Variants in AMOTL2 observed in about 807,000 individuals in gnomAD.
AMOTL2 encodes the protein angiomotin like 2, also known as angiomotin-like protein 2.
In AMOTL2, 33 loss-of-function variants were observed where a neutral mutation model predicts 78.4. The observed-to-expected ratio is 0.42, with a 90% CI of 0.32 to 0.56. The LOEUF (loss-of-function observed/expected upper bound fraction) is 0.56, where lower values mean the gene tolerates loss of function less well. Among genes scored for constraint, AMOTL2 ranks in the 20% least tolerant of loss-of-function variants. The pLI, the probability that AMOTL2 is intolerant of heterozygous loss-of-function variation, is 0.12. For missense variants in AMOTL2, 983 were observed against 1,030.1 expected, an observed-to-expected ratio of 0.95 and a Z score of 0.63; for synonymous variants, 422 against 428.8, an observed-to-expected ratio of 0.98 and a Z score of 0.20.
At chr3:134,370,172 GGA>G (rs370509473) in intron 2 of AMOTL2, among the ~76,000 whole-genome samples, 17 of 152,314 alleles carry the variant, frequency 1.1e-4, no homozygotes, top group African/African-American at 4.1e-4. Context: ...GAAATGAAGA[GGA>G]GAGACAAGTA....
Position 134,371,078 on chromosome 3 carries a change from G to A in AMOTL2, c.356C>T (p.Ala119Val). ...EAKAHSQYYA[A>V]QQAGTRPHAG... ...ATGTGGCCGGGTCCCTGCCTGCTGG[G>A]CCGCATAGTACTGCGAGTGGGCTTT... Residue 119 changes from alanine (A) to valine (V), a missense_variant, in exon 2 of 10, where the codon GCC becomes GTC. Ala to Val is a moderately conservative substitution (Grantham distance 64, BLOSUM62 0). Transcript: ENST00000249883. The A allele has an allele frequency of 1.2e-6, 2 of 1,611,542 alleles. No individual in the cohort carries two copies. The highest frequency in any genetic ancestry group is 1.7e-6 in the Non-Finnish European group (2 of 1,179,022).
chr3:134,358,391 C>T lies in AMOTL2; in HGVS notation c.2284+149G>A, dbSNP rs1185658631. 4 of 969,438 alleles carry T rather than the reference C, an allele frequency of 4.1e-6. No individual in the cohort carries two copies. The African/African-American group carries it at 5.0e-5, about 12-fold the overall frequency. The allele number at this position is 969,438 out of a possible 1,614,324, so 60.1% of individuals were successfully genotyped here. On this transcript the variant is annotated intron_variant, in intron 9 of 9. Coordinates refer to ENST00000249883, the MANE Select transcript of AMOTL2 (RefSeq NM_016201.4). ...TGTTCACATTGAGGTGGGCCAGGCACCCTGCTCACCTCTGGCTATGCACGG... is the reference window on the plus strand; with the variant it reads ...TGTTCACATTGAGGTGGGCCAGGCATCCTGCTCACCTCTGGCTATGCACGG...
rs750799625 is a variant in AMOTL2 at position 134,367,736 on chromosome 3, A to G, written c.802T>C (p.Ser268Pro). ...QQQQYQYLQQ[S>P]QEHPPPPHPA... ...TGTGGGGGAGGGGGGTGCTCCTGAG[A>G]TTGCTGCAGGTACTGGTACTGCTGC... The change falls in exon 3 of 10, where the codon TCT becomes CCT. Residue 268 changes from serine to proline, a missense_variant. Ser to Pro is a moderately conservative substitution (Grantham distance 74). Transcript: ENST00000249883. 6 of 1,613,678 alleles carry G rather than the reference A, an allele frequency of 3.7e-6. No individual in the cohort carries two copies. In the Admixed American group the frequency reaches 8.3e-5, roughly 22 times the overall value.
Position 134,361,726 on chromosome 3 carries a change from C to A in AMOTL2, c.1361G>T (p.Arg454Leu). ...LRGAIEDQRRRAELLEQALGN... is the reference protein window; with the variant it reads ...LRGAIEDQRRLAELLEQALGN... ...CAGAGCCTGCTCCAGCAGCTCGGCA[C>A]GCCGCCGCTGGTCCTCGATGGCGCC... Residue 454 changes from arginine (R) to leucine (L), a missense_variant, in exon 6 of 10, where the codon CGT becomes CTT. Arg to Leu is a moderately radical substitution (Grantham distance 102). Transcript: ENST00000249883. 2 of 1,607,892 alleles carry A rather than the reference C, an allele frequency of 1.2e-6. No homozygotes were observed. Among genetic ancestry groups the A allele is most frequent in the South Asian group, 1.1e-5 (1 of 90,774 alleles).
At chr3:134,365,932 G>A in intron 4 of AMOTL2, 23 bp from the exon 5 acceptor site, 1 of 1,610,706 alleles carries the variant, frequency 6.2e-7, no homozygotes, top group Non-Finnish European at 8.5e-7. Flanking sequence ...AAGGAAAGAT[G>A]TTTTAGTGTC....
At chr3:134,368,023 C>G (rs1310664592) in intron 2 of AMOTL2, among the ~76,000 whole-genome samples, 2 of 152,156 alleles carry the variant, frequency 1.3e-5, no homozygotes, top group East Asian at 3.8e-4. Context: ...GCCTGAGGCT[C>G]TCAAGAGTCA....
At chr3:134,358,256 A>G in intron 9 of AMOTL2, among the ~76,000 whole-genome samples, 1 of 152,226 alleles carries the variant, frequency 6.6e-6, no homozygotes, top group East Asian at 1.9e-4. Flanking sequence ...AGGGAAGACC[A>G]TGAAAGAGGA....
In AMOTL2 at chr3:134,357,440, A is replaced by G. The variant is rs1489218542; in HGVS notation, c.*265T>C. 4 of 472,810 alleles carry G rather than the reference A, an allele frequency of 8.5e-6. No homozygotes were observed. The highest frequency in any genetic ancestry group is 1.5e-5 in the Non-Finnish European group (4 of 259,366). 29.3% of individuals were successfully genotyped at this position (472,810 alleles called of 1,614,324 possible). On this transcript the variant is annotated 3_prime_UTR_variant, in exon 10 of 10. Coordinates refer to ENST00000249883, the MANE Select transcript of AMOTL2 (RefSeq NM_016201.4). ...CCCCAGTAGCAGGCCTTGGGCAAGA[A>G]GTCAAGGCTGAATCCTCATTCTCCA... is the stretch of plus-strand genomic sequence containing the variant.
At chr3:134,374,655 G>A, upstream of AMOTL2, 5 of 982,822 alleles carry the variant, frequency 5.1e-6, no homozygotes, top group Non-Finnish European at 6.0e-6. Flanking sequence ...GCTGCTGGCC[G>A]AGCGCCGGCC....
rs2018006371 is a variant in AMOTL2, at chr3:134,374,356, G to A, written c.-76C>T. On this transcript the variant is annotated 5_prime_UTR_variant, in exon 1 of 10. Coordinates refer to ENST00000249883, the MANE Select transcript of AMOTL2 (RefSeq NM_016201.4). ...GCCTTCCTTACCGCTGCGGCCCGAG[G>A]GTGCCCAGCGCAGTCAGACACCACA... The A allele has an allele frequency of 1.0e-6, 1 of 977,012 alleles. No homozygotes were observed. The highest frequency in any genetic ancestry group is 1.2e-6 in the Non-Finnish European group (1 of 828,076). 60.5% of individuals were successfully genotyped at this position (977,012 alleles called of 1,614,324 possible). A position where few individuals can be genotyped will look rare whatever the true frequency, so the allele number is the denominator to read the frequency against.
At chr3:134,359,594 C>G in intron 7 of AMOTL2, 91 bp from the exon 8 acceptor site, 7 of 1,021,710 alleles carry the variant, frequency 6.9e-6, no homozygotes, top group Non-Finnish European at 1.0e-5. Context: ...AGGAAAAGCC[C>G]CCCCCAACTC....
intron 2 of AMOTL2, among the ~76,000 whole-genome samples, chr3:134,369,290 C>G (rs1284487174): frequency 6.6e-6 from 1 of 152,190 alleles, no homozygotes; most frequent in Non-Finnish European, 1.5e-5. Flanking sequence ...TTGCTCCCCC[C>G]TGCACTGGGC....
intron 9 of AMOTL2, 32 bp downstream of exon 9, chr3:134,358,508 C>A: frequency 6.2e-7 from 1 of 1,601,446 alleles, no homozygotes; most frequent in Non-Finnish European, 8.5e-7. Context: ...CTCGGCCCTA[C>A]CTAGCACAGA....
chr3:134,367,507 C>T lies in AMOTL2; in HGVS notation c.1031G>A (p.Arg344His), dbSNP rs369381825. 50 of 1,611,554 alleles carry T rather than the reference C, an allele frequency of 3.1e-5. No individual in the cohort carries two copies. The highest frequency in any genetic ancestry group is 1.1e-4 in the South Asian group (10 of 90,866). Residue 344 changes from arginine (R) to histidine (H), a missense_variant, in exon 3 of 10, where the codon CGC (arginine) becomes CAC (histidine). Coordinates refer to ENST00000249883, the MANE Select transcript of AMOTL2 (RefSeq NM_016201.4). ...ELESSAEKAG[R>H]IEKLESEIQR... Reference sequence around the variant, plus strand: ...CCCAGCAGGGCCTACCTTCTCAATGCGGCCAGCCTTCTCCGCAGAGCTCTC... The same window carrying T: ...CCCAGCAGGGCCTACCTTCTCAATGTGGCCAGCCTTCTCCGCAGAGCTCTC...
rs1322820361 is a variant in AMOTL2, at chr3:134,361,635, C to T, written c.1452G>A (p.Glu484=). The part of the protein sequence containing the change: ...EELRKKQAYV[E]KVERLQQALG... ...GCGCCTGCTGCAGCCGCTCCACTTT[C>T]TCCACATAGGCCTGCTTCTTGCGCA... is the stretch of plus-strand genomic sequence containing the variant. Residue 484 remains glutamate, a synonymous_variant, in exon 6 of 10, where the codon GAG becomes GAA. Coordinates refer to ENST00000249883, the MANE Select transcript of AMOTL2 (RefSeq NM_016201.4). 1.9e-6 allele frequency: 3 copies of T among 1,613,078 alleles called. No homozygotes were observed. Among genetic ancestry groups the T allele is most frequent in the Non-Finnish European group, 2.5e-6 (3 of 1,179,986 alleles).
At chr3:134,374,482 G>A, upstream of AMOTL2, 2 of 985,594 alleles carry the variant, frequency 2.0e-6, no homozygotes, top group Non-Finnish European at 2.4e-6. Flanking sequence ...CCCCAGGGTC[G>A]GCCCGCGCCG....
At chr3:134,362,501 T>C (rs940164646) in intron 5 of AMOTL2, among the ~76,000 whole-genome samples, 5 of 152,182 alleles carry the variant, frequency 3.3e-5, no homozygotes, top group African/African-American at 1.2e-4. Context: ...GGGCTCCTTC[T>C]GCAGACCCAG....
At chr3:134,374,955 A>C, upstream of AMOTL2, 18 of 1,324,784 alleles carry the variant, frequency 1.4e-5, no homozygotes, top group East Asian at 6.7e-5. Context: ...GGAGGTGGGA[A>C]AGGGAGGAGG....
chr3:134,360,382 C>A lies in AMOTL2; in HGVS notation c.1607G>T (p.Gly536Val), dbSNP rs142861055. 3.1e-4 allele frequency: 498 copies of A among 1,612,856 alleles called. No individual in the cohort carries two copies. In the African/African-American group the frequency reaches 6.0e-3, roughly 19 times the overall value. Reference protein sequence around the residue: ...RQAGAPGGSSGSGGSPELSAL... With the variant: ...RQAGAPGGSSVSGGSPELSAL... ...GCTGAGCTCTGGAGACCCACCACTGCCACTGCTACCACCTGGGGCACCTGC... is the reference window on the plus strand; with the variant it reads ...GCTGAGCTCTGGAGACCCACCACTGACACTGCTACCACCTGGGGCACCTGC... Residue 536 changes from glycine (G) to valine (V), a missense_variant, in exon 7 of 10, where the codon GGC becomes GTC. Transcript: ENST00000249883.
Sources: gnomAD v4.1 joint callset for allele counts (sites outside exome capture counted in the v4.1 genomes callset) on GRCh38, gnomAD v4.1.1 for gene constraint, MANE v1.5 for transcripts, NCBI Gene and HGNC (gene_info 2026-07-23, HGNC 2026-07-21) for gene names.